The following ATP2C1 variants were observed in gnomAD, a reference collection of about 807,000 sequenced individuals.
ATP2C1 encodes ATPase secretory pathway Ca2+ transporting 1.
Under a neutral mutation model 120.5 loss-of-function variants are expected in ATP2C1, and 31 were observed. The ratio of observed to expected loss-of-function variants is 0.26; its 90% confidence interval spans 0.19 to 0.35. The LOEUF (loss-of-function observed/expected upper bound fraction) is 0.35, where lower values mean the gene tolerates loss of function less well. Among genes scored for constraint, ATP2C1 ranks in the 10% least tolerant of loss-of-function variants. ATP2C1 has a pLI of 1.00. For synonymous variants in ATP2C1, 351 were observed against 358.7 expected (o/e 0.98, Z 0.24); for missense variants, 731 against 1,107.5 (o/e 0.66, Z 4.83).
At chr3:130,950,206 T>G (rs949794993) in intron 8 of ATP2C1, among the ~76,000 whole-genome samples, 7 of 152,290 alleles carry the variant, frequency 4.6e-5, no homozygotes, top group African/African-American at 1.2e-4. Context: ...GTGGATTATA[T>G]AGTCGTCTTG....
chr3:130,875,079 G>A (rs898985462), intron 1 of ATP2C1, among the ~76,000 whole-genome samples: 3 of 152,110 alleles, frequency 2.0e-5, no homozygotes, highest in African/African-American at 7.2e-5. Context: ...TCAAGTAAGG[G>A]CAATTAGCAT....
chr3:130,856,810 C>T (rs2067855690), intron 1 of ATP2C1, among the ~76,000 whole-genome samples: 1 of 152,190 alleles, frequency 6.6e-6, no homozygotes, highest in South Asian at 2.1e-4. Flanking sequence ...CCTTCACAAA[C>T]AGGAGGAAAA....
At chr3:130,893,464 C>G (rs852217), upstream of ATP2C1, among the ~76,000 whole-genome samples, 137,825 of 152,268 alleles carry the variant, frequency 0.91, 62,610 homozygotes, top group Non-Finnish European at 0.95. Flanking sequence ...ACCGGCTCCC[C>G]CAAGAACCAA....
intron 1 of ATP2C1, among the ~76,000 whole-genome samples, chr3:130,881,828 G>A (rs187958287): frequency 1.4e-3 from 215 of 152,064 alleles, no homozygotes; most frequent in Admixed American, 4.6e-3. Context: ...ATTACATGTG[G>A]GATTATTTTT....
At chr3:130,854,491 G>A (rs1399969215) in intron 1 of ATP2C1, among the ~76,000 whole-genome samples, 3 of 152,180 alleles carry the variant, frequency 2.0e-5, no homozygotes, top group Non-Finnish European at 4.4e-5. Flanking sequence ...AGTTTATAAG[G>A]AATGAGTGAG....
At chr3:130,986,831 A>G (rs1373124992) in intron 20 of ATP2C1, among the ~76,000 whole-genome samples, 1 of 151,930 alleles carries the variant, frequency 6.6e-6, no homozygotes, top group African/African-American at 2.4e-5. Flanking sequence ...ACCCTTTTAT[A>G]GCCAATATGT....
intron 20 of ATP2C1, among the ~76,000 whole-genome samples, chr3:130,989,710 T>A (rs1171132375): frequency 3.3e-5 from 5 of 152,226 alleles, no homozygotes; most frequent in Non-Finnish European, 7.3e-5. Context: ...TGTTCCTTTG[T>A]GTGTTTTGTT....
chr3:130,965,027 A>G lies in ATP2C1; in HGVS notation c.1104A>G (p.Ser368=), dbSNP rs116460767. ...TGACTGTTACTCACATATTTACTTC[A>G]GATGGTCTGCATGCTGAGGTACTCT... The part of the protein sequence containing the change: ...NEMTVTHIFT[S]DGLHAEVTGV... The change falls in exon 14 of 28, where the codon TCA becomes TCG. Residue 368 remains serine, a synonymous_variant. Coordinates refer to ENST00000510168, the MANE Select transcript of ATP2C1 (RefSeq NM_001378687.1). 13 of 1,611,218 alleles carry G rather than the reference A, an allele frequency of 8.1e-6. No individual in the cohort carries two copies. In the East Asian group the frequency reaches 2.7e-4, roughly 33 times the overall value.
intron 17 of ATP2C1, among the ~76,000 whole-genome samples, chr3:130,972,284 C>T (rs2061350193): frequency 6.6e-6 from 1 of 152,022 alleles, no homozygotes; most frequent in African/African-American, 2.4e-5. Flanking sequence ...ATACCATGGA[C>T]TGTACTGGTC....
At chr3:130,986,347 A>G (rs3773810) in intron 20 of ATP2C1, among the ~76,000 whole-genome samples, 2,670 of 152,272 alleles carry the variant, frequency 0.018, 37 homozygotes, top group East Asian at 0.074. Context: ...AGACTTCTGC[A>G]TAACTTCTCA....
chr3:130,937,395 T>C, intron 5 of ATP2C1, 33 bp from the exon 6 acceptor site: 1 of 1,594,086 alleles, frequency 6.3e-7, no homozygotes, highest in Non-Finnish European at 8.6e-7. Context: ...CTCAAGTTAA[T>C]GTCTGATTTA....
intron 2 of ATP2C1, among the ~76,000 whole-genome samples, chr3:130,909,344 G>C (rs1210770750): frequency 6.6e-6 from 1 of 152,112 alleles, no homozygotes; most frequent in Non-Finnish European, 1.5e-5. Flanking sequence ...TGTTGATGCT[G>C]GTTCTGTCTT....
chr3:130,998,415 T>G, intron 26 of ATP2C1, 26 bp downstream of exon 26: 1 of 1,469,892 alleles, frequency 6.8e-7, no homozygotes, highest in South Asian at 1.1e-5. Flanking sequence ...CTTAGTTGAT[T>G]GACTTGATTG....
chr3:130,998,392 A>G lies in ATP2C1; in HGVS notation c.2487+3A>G, dbSNP rs1409545261. ...ATGCACTAAGTTCCAGATCCCAGGT[A>G]TGTTTAGGTGAACTTAGTTGATTGA... On this transcript the variant is annotated splice_donor_region_variant and intron_variant, in intron 26 of 27. Transcript: ENST00000510168. 5 of 1,585,270 alleles carry G rather than the reference A, an allele frequency of 3.2e-6. No individual in the cohort carries two copies. In the African/African-American group the frequency reaches 4.0e-5, roughly 13 times the overall value.
intron 2 of ATP2C1, among the ~76,000 whole-genome samples, chr3:130,920,963 A>G (rs1298001562): frequency 6.6e-6 from 1 of 151,854 alleles, no homozygotes; most frequent in Non-Finnish European, 1.5e-5. Flanking sequence ...TCCTTTTCAG[A>G]TAGTTAGTGT....
chr3:131,015,699 T>C (rs1381323929), intron 26 of ATP2C1, among the ~76,000 whole-genome samples: 2 of 151,038 alleles, frequency 1.3e-5, no homozygotes, highest in African/African-American at 2.4e-5. Context: ...GTAAGCCATA[T>C]GCCAAGTGGT....
At chr3:130,902,297 G>GTTTTTTTTTTT (rs398052267) in intron 2 of ATP2C1, among the ~76,000 whole-genome samples, 10 of 13,250 alleles carry the variant, frequency 7.5e-4, no homozygotes, top group African/African-American at 1.9e-3. Flanking sequence ...TTTTTTTTTT[G>GTTTTTTTTTTT]TTTTTTTTTT....
intron 1 of ATP2C1, among the ~76,000 whole-genome samples, chr3:130,867,579 C>T (rs111510593): frequency 2.0e-5 from 3 of 149,564 alleles, no homozygotes; most frequent in Middle Eastern, 3.5e-3. Flanking sequence ...GACGGAGTCT[C>T]ATTCACTCAG....
intron 1 of ATP2C1, among the ~76,000 whole-genome samples, chr3:130,876,087 T>C (rs2068593747): frequency 6.6e-6 from 1 of 152,098 alleles, no homozygotes. Flanking sequence ...TGTCTCTTCA[T>C]TTTGTTGATG....
Sources: gnomAD v4.1 joint callset for allele counts (sites outside exome capture counted in the v4.1 genomes callset) on GRCh38, gnomAD v4.1.1 for gene constraint, MANE v1.5 for transcripts, NCBI Gene and HGNC (gene_info 2026-07-23, HGNC 2026-07-21) for gene names.